The following MYLK variants were observed in gnomAD, a reference collection of about 807,000 sequenced individuals.
The protein encoded by MYLK is myosin light chain kinase, smooth muscle.
A neutral mutation model predicts 203.4 loss-of-function variants in MYLK; 106 were observed. That is an observed-to-expected ratio of 0.52 (90% confidence interval 0.45 to 0.61). The LOEUF is 0.61. Ranked by LOEUF, MYLK falls within the 20% of genes least tolerant of loss-of-function variation. MYLK has a pLI of 0.00. For synonymous variants in MYLK, 867 were observed against 959.5 expected, an observed-to-expected ratio of 0.90 and a Z score of 1.78; for missense variants, 2,072 against 2,442.3, an observed-to-expected ratio of 0.85 and a Z score of 3.20.
intron 2 of MYLK, among the ~76,000 whole-genome samples, chr3:123,871,848 C>A (rs1016475077): frequency 1.6e-5 from 1 of 61,098 alleles, no homozygotes; most frequent in East Asian, 2.0e-4. Context: ...ACAAAGACAT[C>A]GGATCAATAT....
At chr3:123,719,334 G>A (rs1377438270) in intron 13 of MYLK, among the ~76,000 whole-genome samples, 2 of 152,134 alleles carry the variant, frequency 1.3e-5, no homozygotes, top group African/African-American at 4.8e-5. Flanking sequence ...AGGCACGAGT[G>A]TTCATGGCTT....
chr3:123,834,290 C>A (rs2066421214), intron 2 of MYLK, among the ~76,000 whole-genome samples: 1 of 152,194 alleles, frequency 6.6e-6, no homozygotes, highest in African/African-American at 2.4e-5. Flanking sequence ...AAGCAATCCA[C>A]ATGCCTCGGC....
chr3:123,734,885 G>A (rs1329474694), intron 9 of MYLK: 1 of 190,252 alleles, frequency 5.3e-6, no homozygotes, highest in Non-Finnish European at 1.1e-5. Flanking sequence ...TCCCGAAATG[G>A]CTTCCCTGCC....
rs2058859474 is a variant in MYLK, at chr3:123,642,137, G to A, written c.4620-1633C>T. Among the ~76,000 whole-genome samples, 1 of 152,150 alleles carries A rather than the reference G, an allele frequency of 6.6e-6. No homozygotes were observed. The highest frequency in any genetic ancestry group is 1.5e-5 in the Non-Finnish European group (1 of 68,048). ...ACAAGGCCGGGTGGGTTCTGGGCCT[G>A]TCCTCTTGCAAGGGTATTTCCTCTC... On this transcript the variant is annotated intron_variant, in intron 27 of 33. Transcript: ENST00000360304. The surrounding 1 kb of genome is among the most constrained non-coding windows in gnomAD (Gnocchi z 4.2).
At chr3:123,821,018 C>T (rs113982787) in intron 3 of MYLK, among the ~76,000 whole-genome samples, 7,931 of 152,220 alleles carry the variant, frequency 0.052, 258 homozygotes, top group African/African-American at 0.091. Context: ...CGTGAGCCAC[C>T]ACGCCCGGCT....
intron 2 of MYLK, among the ~76,000 whole-genome samples, chr3:123,871,477 A>G (rs2032778679): frequency 6.6e-6 from 1 of 152,216 alleles, no homozygotes; most frequent in Non-Finnish European, 1.5e-5. Context: ...AATATCAGGA[A>G]TAGAAAATGA....
At chr3:123,823,680 C>T (rs576860318) in intron 3 of MYLK, among the ~76,000 whole-genome samples, 2 of 152,314 alleles carry the variant, frequency 1.3e-5, no homozygotes, top group Admixed American at 6.5e-5. Flanking sequence ...AGTCAGATTG[C>T]GGTGCTCCCC....
intron 24 of MYLK, among the ~76,000 whole-genome samples, chr3:123,655,789 T>A (rs1240038524): frequency 6.6e-6 from 1 of 152,244 alleles, no homozygotes; most frequent in Non-Finnish European, 1.5e-5. Flanking sequence ...ATGAGGGTAA[T>A]AACAGTATCT....
At chr3:123,631,894 G>C (rs1165509968) in intron 29 of MYLK, among the ~76,000 whole-genome samples, 1 of 146,926 alleles carries the variant, frequency 6.8e-6, no homozygotes, top group Non-Finnish European at 1.5e-5. Flanking sequence ...TTTTGAGACA[G>C]AGTGTTGCTC....
chr3:123,626,584 G>T (rs2058159204), intron 31 of MYLK, among the ~76,000 whole-genome samples: 1 of 152,216 alleles, frequency 6.6e-6, no homozygotes, highest in Non-Finnish European at 1.5e-5. Flanking sequence ...AGGTGAGCAG[G>T]AACAGAGAGA....
At chr3:123,672,271 G>C (rs556595666) in intron 20 of MYLK, among the ~76,000 whole-genome samples, 1 of 152,018 alleles carries the variant, frequency 6.6e-6, no homozygotes, top group Non-Finnish European at 1.5e-5. Context: ...GAGAAGGAGG[G>C]AGGAGAGCGA....
At position 123,839,097 on chromosome 3, in the gene MYLK, C is replaced by CA. The variant is rs60269210; in HGVS notation, c.-126-7428dup. Among the ~76,000 whole-genome samples, 1,318 of 151,724 alleles carry CA rather than the reference C, an allele frequency of 8.7e-3. 11 individuals carry two copies. Among genetic ancestry groups the CA allele is most frequent in the African/African-American group, 0.028 (1,177 of 41,370 alleles). On this transcript the variant is annotated intron_variant, in intron 2 of 33. Transcript: ENST00000360304. The stretch of plus-strand genomic sequence containing the variant: ...CAACAGAGCGAGACTCCACCTTAAA[C>CA]AAAACAAAACAAACAAACAAATCTC...
At position 123,738,969 on chromosome 3, in the gene MYLK, G is replaced by A; in HGVS notation, c.516C>T (p.Val172=). The A allele has an allele frequency of 1.9e-6, 3 of 1,613,560 alleles. No homozygotes were observed. The highest frequency in any genetic ancestry group is 2.5e-6 in the Non-Finnish European group (3 of 1,179,814). ...KFATKLGRVV[V]KEGQMGRFSC... ...AGAATCGTCCCATCTGTCCTTCTTT[G>A]ACCACAACTCGGCCCAGCTTGGTAG... The change falls in exon 7 of 34, where the codon GTC becomes GTT. Residue 172 remains valine, a synonymous_variant. Coordinates refer to ENST00000360304, the MANE Select transcript of MYLK (RefSeq NM_053025.4).
At chr3:123,627,738 A>G (rs1490599768) in intron 30 of MYLK, among the ~76,000 whole-genome samples, 1 of 151,144 alleles carries the variant, frequency 6.6e-6, no homozygotes, top group Non-Finnish European at 1.5e-5. Context: ...TTTTTATAGT[A>G]GGAAGGAATT....
chr3:123,833,255 T>A (rs1051894335), intron 2 of MYLK, among the ~76,000 whole-genome samples: 1 of 152,192 alleles, frequency 6.6e-6, no homozygotes, highest in Non-Finnish European at 1.5e-5. Flanking sequence ...GGTTTCCACA[T>A]GTCTCATAAG....
chr3:123,746,303 T>A (rs931466772), intron 5 of MYLK, among the ~76,000 whole-genome samples: 3 of 67,054 alleles, frequency 4.5e-5, no homozygotes, highest in African/African-American at 1.0e-4. Flanking sequence ...GTTCTTTATA[T>A]CCTAGCACAA....
intron 2 of MYLK, among the ~76,000 whole-genome samples, chr3:123,835,322 T>TG (rs1345431697): frequency 2.0e-5 from 3 of 152,136 alleles, no homozygotes; most frequent in Non-Finnish European, 2.9e-5. Flanking sequence ...TGGCAATCAG[T>TG]CACAAGAGAG....
intron 12 of MYLK, among the ~76,000 whole-genome samples, chr3:123,724,486 C>T (rs528747370): frequency 4.1e-4 from 62 of 152,246 alleles, no homozygotes; most frequent in Non-Finnish European, 6.0e-4. Flanking sequence ...TCACTGGATC[C>T]AATAGGACTT....
intron 29 of MYLK, among the ~76,000 whole-genome samples, chr3:123,634,708 A>C (rs190359055): frequency 5.4e-4 from 82 of 152,306 alleles, no homozygotes; most frequent in African/African-American, 1.9e-3. Flanking sequence ...GGGTGAGGGA[A>C]GGGCTCGGAG....
Sources: gnomAD v4.1 joint callset for allele counts (sites outside exome capture counted in the v4.1 genomes callset) on GRCh38, gnomAD v4.1.1 for gene constraint, Gnocchi (gnomAD v3.1) non-coding constraint, MANE v1.5 for transcripts, NCBI Gene and HGNC (gene_info 2026-07-23, HGNC 2026-07-21) for gene names.